Variants in CFAP68 observed in about 807,000 individuals in gnomAD.
CFAP68 encodes cilia and flagella associated protein 68, also known as cilia- and flagella-associated protein 68.
At chr11:111,883,893 T>C in the CFAP68 span, 1 of 1,512,104 alleles carries the variant, frequency 6.6e-7, no homozygotes, top group Non-Finnish European at 9.2e-7. Context: ...TGGGCATCAC[T>C]CAGGATGTGT....
the CFAP68 span, among the ~76,000 whole-genome samples, chr11:111,881,857 A>G: frequency 6.6e-6 from 1 of 152,202 alleles, no homozygotes; most frequent in African/African-American, 2.4e-5. Context: ...AATGTATGGT[A>G]AAAAGTTATA....
At chr11:111,882,959 G>T in the CFAP68 span, among the ~76,000 whole-genome samples, 1 of 152,062 alleles carries the variant, frequency 6.6e-6, no homozygotes, top group Non-Finnish European at 1.5e-5. Context: ...CACTTAAATC[G>T]CTCCTAAACA....
At chr11:111,880,949 TCTC>T in the CFAP68 span, 2 of 363,112 alleles carry the variant, frequency 5.5e-6, no homozygotes, top group African/African-American at 2.1e-5. Flanking sequence ...TTTGAAAAAT[TCTC>T]CTTTCCTGTG....
chr11:111,883,666 GACTT>G, the CFAP68 span: 2 of 775,000 alleles, frequency 2.6e-6, no homozygotes, highest in Non-Finnish European at 4.4e-6. Flanking sequence ...ATTTTAACAG[GACTT>G]ACTGTCTATT....
chr11:111,883,703 A>G, the CFAP68 span: 2 of 1,036,266 alleles, frequency 1.9e-6, no homozygotes, highest in African/African-American at 1.6e-5. Context: ...GAGCAAGATC[A>G]GTTACTAAAA....
At chr11:111,882,292 A>G in the CFAP68 span, 7 of 1,286,268 alleles carry the variant, frequency 5.4e-6, no homozygotes, top group Non-Finnish European at 7.7e-6. Context: ...TGGCTATGTA[A>G]AACAAGGGCA....
chr11:111,885,796 C>T, the CFAP68 span: 1 of 152,012 alleles, frequency 6.6e-6, no homozygotes, highest in Non-Finnish European at 1.5e-5. Context: ...CCTCTCAAAC[C>T]TTTGTTACTT....
At chr11:111,885,276 A>G in the CFAP68 span, 4 of 152,276 alleles carry the variant, frequency 2.6e-5, no homozygotes, top group Non-Finnish European at 2.9e-5. Flanking sequence ...CTGGGAGTTC[A>G]AAACCAGCCT....
the CFAP68 span, chr11:111,881,660 AAAAG>A: frequency 1.3e-6 from 2 of 1,489,038 alleles, no homozygotes; most frequent in Admixed American, 4.9e-5. Flanking sequence ...ATTTTGGGGA[AAAAG>A]AAAGATTGAG....
the CFAP68 span, chr11:111,882,563 A>G: frequency 1.9e-6 from 3 of 1,610,872 alleles, no homozygotes; most frequent in South Asian, 2.2e-5. Flanking sequence ...ATATGACCTG[A>G]GGAATATCGT....
chr11:111,881,061 A>G, the CFAP68 span: 1 of 425,264 alleles, frequency 2.4e-6, no homozygotes, highest in Non-Finnish European at 3.7e-6. Flanking sequence ...TTGAATTGAA[A>G]TTTGGCAATG....
the CFAP68 span, chr11:111,880,941 T>G: frequency 5.4e-6 from 2 of 369,742 alleles, no homozygotes; most frequent in Admixed American, 3.4e-5. Flanking sequence ...ACTTTCACTT[T>G]GAAAAATTCT....
the CFAP68 span, chr11:111,884,678 C>T: frequency 3.3e-5 from 5 of 151,966 alleles, no homozygotes; most frequent in African/African-American, 1.2e-4. Context: ...CAAAAACAAA[C>T]GTAACTTTTT....
the CFAP68 span, chr11:111,884,611 A>G: frequency 1.3e-5 from 2 of 152,188 alleles, no homozygotes; most frequent in African/African-American, 4.8e-5. Context: ...GGTATAAGCC[A>G]GAGTCGTATA....
the CFAP68 span, among the ~76,000 whole-genome samples, chr11:111,879,831 C>A: frequency 1.3e-5 from 2 of 152,028 alleles, no homozygotes; most frequent in East Asian, 3.9e-4. Context: ...AGTTTGGGGG[C>A]GAAGAGGGTC....
chr11:111,879,549 A>C, the CFAP68 span: 3 of 1,613,962 alleles, frequency 1.9e-6, no homozygotes, highest in Non-Finnish European at 2.5e-6. Flanking sequence ...ACCTTTTTTC[A>C]CCTCGTCTGA....
At chr11:111,882,848 ACTTTAT>A in the CFAP68 span, among the ~76,000 whole-genome samples, 1 of 152,090 alleles carries the variant, frequency 6.6e-6, no homozygotes, top group Admixed American at 6.5e-5. Context: ...TTCTGTTTGG[ACTTTAT>A]CTCTTAGTCT....
At chr11:111,881,067 C>T in the CFAP68 span, 2 of 452,080 alleles carry the variant, frequency 4.4e-6, no homozygotes, top group Non-Finnish European at 6.8e-6. Flanking sequence ...TGAAATTTGG[C>T]AATGGGAATG....
chr11:111,884,198 GC>G, the CFAP68 span: 1 of 206,550 alleles, frequency 4.8e-6, no homozygotes, highest in East Asian at 1.5e-4. Flanking sequence ...TTTAGGCCAG[GC>G]ACGGTGGCTC....
Sources: gnomAD v4.1 joint callset for allele counts (sites outside exome capture counted in the v4.1 genomes callset) on GRCh38, gnomAD v4.1.1 for gene constraint, MANE v1.5 for transcripts, NCBI Gene and HGNC (gene_info 2026-07-23, HGNC 2026-07-21) for gene names.